ARMC2: variants seen among roughly 807,000 people sequenced by gnomAD.
ARMC2 encodes armadillo repeat-containing protein 2.
ARMC2 carries 67 observed loss-of-function variants against 90.3 expected under a neutral mutation model. The observed-to-expected ratio is 0.74, with a 90% CI of 0.61 to 0.91. ARMC2 has a LOEUF of 0.91. Ranked by LOEUF, ARMC2 falls within the 40% of genes least tolerant of loss-of-function variation. ARMC2 has a pLI of 0.00. For synonymous variants in ARMC2, 393 were observed against 393.0 expected (o/e 1.00, Z 0.00); for missense variants, 920 against 1,030.9 (o/e 0.89, Z 1.47).
the ARMC2 span, among the ~76,000 whole-genome samples, chr6:108,989,729 GAGA>G: frequency 4.6e-5 from 7 of 152,132 alleles, no homozygotes; most frequent in African/African-American, 7.2e-5. Context: ...GGGCTGCGAG[GAGA>G]AGGATGGTCT....
At chr6:108,991,911 C>T in the ARMC2 span, among the ~76,000 whole-genome samples, 2 of 152,122 alleles carry the variant, frequency 1.3e-5, no homozygotes, top group Admixed American at 1.3e-4. Context: ...CCTTCCTTCA[C>T]TCTATCCCTC....
chr6:108,990,895 T>C, the ARMC2 span: 2 of 1,386,046 alleles, frequency 1.4e-6, no homozygotes, highest in Non-Finnish European at 2.0e-6. Flanking sequence ...TCTATATCTA[T>C]AGCTCTGTAG....
At chr6:109,006,624 G>C in the ARMC2 span, among the ~76,000 whole-genome samples, 1 of 152,002 alleles carries the variant, frequency 6.6e-6, no homozygotes, top group South Asian at 2.1e-4. Context: ...TTATTCTTTT[G>C]AGCCTCTTTA....
At chr6:108,869,290 C>G (rs966284761) in intron 4 of ARMC2, among the ~76,000 whole-genome samples, 4 of 152,106 alleles carry the variant, frequency 2.6e-5, no homozygotes, top group African/African-American at 9.7e-5. Context: ...GCCAGATCAC[C>G]TGAGATGAGG....
At chr6:108,874,078 C>A (rs1464708286) in intron 4 of ARMC2, among the ~76,000 whole-genome samples, 1 of 152,170 alleles carries the variant, frequency 6.6e-6, no homozygotes, top group Non-Finnish European at 1.5e-5. Flanking sequence ...TACCCACGAT[C>A]CATTACAAAA....
chr6:109,039,151 A>AAGG, the ARMC2 span, among the ~76,000 whole-genome samples: 7 of 133,544 alleles, frequency 5.2e-5, no homozygotes, highest in Admixed American at 3.6e-4. Context: ...GAGGAGAAGG[A>AAGG]AGGAGGAGGA....
At chr6:108,963,200 CTTTGTATGTCTCAAATATT>C (rs1008000994) in intron 15 of ARMC2, among the ~76,000 whole-genome samples, 4 of 152,072 alleles carry the variant, frequency 2.6e-5, no homozygotes, top group Admixed American at 1.3e-4. Context: ...TGTTTATACC[CTTTGTATGTCTCAAATATT>C]TTTGTATGTC....
chr6:109,019,538 A>T, the ARMC2 span, among the ~76,000 whole-genome samples: 4 of 152,212 alleles, frequency 2.6e-5, no homozygotes, highest in South Asian at 8.3e-4. Context: ...TCTATAACCT[A>T]AAGCATTATC....
chr6:108,883,161 A>T (rs916265057), intron 5 of ARMC2, among the ~76,000 whole-genome samples: 1 of 152,252 alleles, frequency 6.6e-6, no homozygotes, highest in African/African-American at 2.4e-5. Context: ...TGGTTTTCTT[A>T]AAGAATCACT....
At chr6:108,910,698 T>C (rs1157719937) in intron 8 of ARMC2, among the ~76,000 whole-genome samples, 1 of 152,250 alleles carries the variant, frequency 6.6e-6, no homozygotes, top group Non-Finnish European at 1.5e-5. Context: ...AGATAATTTA[T>C]ATTGTGTTTA....
In ARMC2 at chr6:108,945,789, T is replaced by C. The variant is rs377402015; in HGVS notation, c.1597-7244T>C. 3.3e-5 allele frequency among the ~76,000 whole-genome samples: 5 copies of C among 152,280 alleles called. No individual in the cohort carries two copies. In the East Asian group the frequency reaches 9.6e-4, roughly 29 times the overall value. On this transcript the variant is annotated intron_variant, in intron 12 of 17. Transcript: ENST00000392644. ...ACCTCCATTTTTCTAGCTGTTCATC[T>C]TGAATGTGACCACAGCCTTTCAGCA... is the stretch of plus-strand genomic sequence containing the variant.
chr6:109,008,647 A>C, the ARMC2 span: 1 of 340,206 alleles, frequency 2.9e-6, no homozygotes, highest in African/African-American at 2.2e-5. Flanking sequence ...ATTTCAATCC[A>C]AATTTAAGGT....
intron 11 of ARMC2, among the ~76,000 whole-genome samples, chr6:108,934,281 A>G (rs1271691698): frequency 6.6e-6 from 1 of 152,150 alleles, no homozygotes; most frequent in Non-Finnish European, 1.5e-5. Flanking sequence ...TATGTGATAA[A>G]TCATATTTAC....
rs181442996 is a variant in ARMC2 at position 108,922,269 on chromosome 6, C to T, written c.1351-5819C>T. Among the ~76,000 whole-genome samples, 553 of 152,092 alleles carry T rather than the reference C, an allele frequency of 3.6e-3. 7 individuals are homozygous for T. Among genetic ancestry groups the T allele is most frequent in the African/African-American group, 0.013 (523 of 41,506 alleles). ...GATCCAAGTCCGGAGGGCCCCCCCACCCTTTTTTTTTTCTTGAGACAGAGT... is the reference window on the plus strand; with the variant it reads ...GATCCAAGTCCGGAGGGCCCCCCCATCCTTTTTTTTTTCTTGAGACAGAGT... On this transcript the variant is annotated intron_variant, in intron 10 of 17. Coordinates refer to ENST00000392644, the MANE Select transcript of ARMC2 (RefSeq NM_032131.6).
chr6:108,856,205 G>C (rs1013308653), intron 2 of ARMC2, among the ~76,000 whole-genome samples: 2 of 151,964 alleles, frequency 1.3e-5, no homozygotes, highest in African/African-American at 4.8e-5. Flanking sequence ...TTAGGTCTGT[G>C]ATCCATTTTG....
At chr6:108,936,812 A>G in intron 11 of ARMC2, 88 bp from the exon 12 acceptor site, 2 of 1,041,662 alleles carry the variant, frequency 1.9e-6, no homozygotes. Context: ...AATGTTTTGA[A>G]GGTCTGCATT....
intron 5 of ARMC2, among the ~76,000 whole-genome samples, chr6:108,890,228 A>C (rs1449393615): frequency 7.0e-5 from 9 of 128,592 alleles, no homozygotes; most frequent in Non-Finnish European, 1.3e-4. Context: ...AAAAAAAAAA[A>C]ACAGTGGTTT....
At position 108,893,553 on chromosome 6, in the gene ARMC2, T is replaced by G. The variant is rs567088174; in HGVS notation, c.672-914T>G. 2.0e-5 allele frequency among the ~76,000 whole-genome samples: 3 copies of G among 152,342 alleles called. No individual in the cohort carries two copies. The East Asian group carries it at 5.8e-4, about 29-fold the overall frequency. On this transcript the variant is annotated intron_variant, in intron 5 of 17. Transcript: ENST00000392644. Reference sequence around the variant, plus strand: ...GTAATCCAAGCATCCCAGAGTTCTTTCTTATTGTAACAGTGACCCCTTGTG... The same window carrying G: ...GTAATCCAAGCATCCCAGAGTTCTTGCTTATTGTAACAGTGACCCCTTGTG...
intron 11 of ARMC2, among the ~76,000 whole-genome samples, chr6:108,932,458 A>G (rs926698544): frequency 2.7e-5 from 4 of 147,806 alleles, no homozygotes; most frequent in Non-Finnish European, 5.9e-5. Context: ...AGTCTTCTGC[A>G]TATGGCTAGC....
Sources: allele counts gnomAD v4.1 joint callset (sites outside exome capture counted in the v4.1 genomes callset), GRCh38; gene constraint gnomAD v4.1.1; transcripts MANE v1.5; gene names NCBI Gene and HGNC (gene_info 2026-07-23, HGNC 2026-07-21).